TIAM1: variants seen among roughly 807,000 people sequenced by gnomAD.
TIAM1 encodes the protein rho guanine nucleotide exchange factor TIAM1.
A neutral mutation model predicts 163.5 loss-of-function variants in TIAM1; 65 were observed. The observed-to-expected ratio is 0.40, with a 90% CI of 0.33 to 0.49. The LOEUF is 0.49. Among genes scored for constraint, TIAM1 ranks in the 20% least tolerant of loss-of-function variants. The pLI is 0.77. For missense variants in TIAM1, 1,789 were observed against 2,044.7 expected, an observed-to-expected ratio of 0.87 and a Z score of 2.41; for synonymous variants, 833 against 810.1, an observed-to-expected ratio of 1.03 and a Z score of -0.48.
chr21:31,191,776 G>A (rs982633983), intron 13 of TIAM1, among the ~76,000 whole-genome samples: 3 of 152,196 alleles, frequency 2.0e-5, no homozygotes, highest in Non-Finnish European at 4.4e-5. Flanking sequence ...GAGTAATTCA[G>A]TGACTTTAAC....
intron 2 of TIAM1, among the ~76,000 whole-genome samples, chr21:31,417,195 T>C (rs990310427): frequency 6.6e-6 from 1 of 152,110 alleles, no homozygotes; most frequent in African/African-American, 2.4e-5. Flanking sequence ...GCTAATTTTT[T>C]GTATTTAGTA....
chr21:31,528,147 G>A (rs2047848701), intron 1 of TIAM1, among the ~76,000 whole-genome samples: 1 of 152,188 alleles, frequency 6.6e-6, no homozygotes, highest in South Asian at 2.1e-4. Flanking sequence ...GAGGGGGGAT[G>A]CCGATCAATG....
chr21:31,473,841 T>G (rs2045843666), intron 1 of TIAM1, among the ~76,000 whole-genome samples: 1 of 152,168 alleles, frequency 6.6e-6, no homozygotes. Context: ...GGTGCCGCCC[T>G]GCACTGGAGA....
chr21:31,388,358 G>C (rs1219935478), intron 2 of TIAM1, among the ~76,000 whole-genome samples: 1 of 151,916 alleles, frequency 6.6e-6, no homozygotes, highest in African/African-American at 2.4e-5. Flanking sequence ...AGAAAGTGCA[G>C]AGCCGGGCAT....
At chr21:31,353,992 C>T (rs1199049961) in intron 2 of TIAM1, among the ~76,000 whole-genome samples, 2 of 151,688 alleles carry the variant, frequency 1.3e-5, no homozygotes, top group Non-Finnish European at 2.9e-5. Context: ...TGCCCGCCAA[C>T]AAGCCCAGCT....
chr21:31,548,604 C>T lies in TIAM1; in HGVS notation c.-422+10323G>A, dbSNP rs150673179. Among the ~76,000 whole-genome samples the T allele has an allele frequency of 2.3e-4, 35 of 151,974 alleles. 2 individuals are homozygous for T. The highest frequency in any genetic ancestry group is 6.2e-4 in the South Asian group (3 of 4,802). On this transcript the variant is annotated intron_variant, in intron 1 of 28. Transcript: ENST00000286827. Reference sequence around the variant, plus strand: ...CTGGGCTCAAACAATCCTCCTGCCTCAGCCTCCCAAGTAGCTGGGACTACA... The same window carrying T: ...CTGGGCTCAAACAATCCTCCTGCCTTAGCCTCCCAAGTAGCTGGGACTACA...
At chr21:31,394,728 T>TCTCTCTCTCTCTCACA (rs1279053911) in intron 2 of TIAM1, among the ~76,000 whole-genome samples, 2 of 95,704 alleles carry the variant, frequency 2.1e-5, no homozygotes, top group Non-Finnish European at 4.2e-5. Context: ...TCTCTCTCTC[T>TCTCTCTCTCTCTCACA]CACACACACA....
At chr21:31,497,417 A>G (rs2046702758) in intron 1 of TIAM1, among the ~76,000 whole-genome samples, 1 of 152,234 alleles carries the variant, frequency 6.6e-6, no homozygotes, top group Non-Finnish European at 1.5e-5. Context: ...AAAAAATGCA[A>G]AATGAGATGT....
intron 1 of TIAM1, among the ~76,000 whole-genome samples, chr21:31,493,330 GAC>G (rs1386773511): frequency 2.6e-5 from 4 of 152,228 alleles, no homozygotes; most frequent in African/African-American, 4.8e-5. Flanking sequence ...TATAACCTAA[GAC>G]ACACAATCAA....
chr21:31,297,350 G>A (rs1170365798), intron 2 of TIAM1, among the ~76,000 whole-genome samples: 14 of 152,286 alleles, frequency 9.2e-5, no homozygotes, highest in South Asian at 6.2e-4. Flanking sequence ...TCTGCAAGAC[G>A]AAAAGAGTTC....
chr21:31,153,841 G>A (rs936335161), intron 17 of TIAM1, among the ~76,000 whole-genome samples: 4 of 151,842 alleles, frequency 2.6e-5, no homozygotes, highest in East Asian at 1.9e-4. Flanking sequence ...TGGGAGGATC[G>A]CTTGAGCCCA....
At chr21:31,168,077 TC>T (rs1180570743) in intron 15 of TIAM1, among the ~76,000 whole-genome samples, 1 of 150,106 alleles carries the variant, frequency 6.7e-6, no homozygotes, top group African/African-American at 2.5e-5. Flanking sequence ...GCAGGTTTCT[TC>T]CCTGAGATTC....
chr21:31,311,071 T>C (rs1601916852), intron 2 of TIAM1, among the ~76,000 whole-genome samples: 1 of 152,292 alleles, frequency 6.6e-6, no homozygotes, highest in Non-Finnish European at 1.5e-5. Flanking sequence ...ATGTAAATAA[T>C]GAACTGCCAA....
At chr21:31,372,696 T>A (rs1379195395) in intron 2 of TIAM1, among the ~76,000 whole-genome samples, 1 of 152,082 alleles carries the variant, frequency 6.6e-6, no homozygotes, top group East Asian at 1.9e-4. Context: ...ACTGGCTGGG[T>A]AGGTGGCTTA....
At chr21:31,300,788 T>C (rs926020411) in intron 2 of TIAM1, among the ~76,000 whole-genome samples, 1 of 152,264 alleles carries the variant, frequency 6.6e-6, no homozygotes. Context: ...AAACATTATT[T>C]ATTGCTCCAG....
chr21:31,296,765 G>C (rs1172431092), intron 2 of TIAM1, among the ~76,000 whole-genome samples: 2 of 152,124 alleles, frequency 1.3e-5, no homozygotes, highest in Non-Finnish European at 1.5e-5. Flanking sequence ...CTGGGTTCAA[G>C]CAATTCTCCT....
chr21:31,245,512 G>C lies in TIAM1; in HGVS notation c.1560C>G (p.Ser520=). The change falls in exon 6 of 28, where the codon TCC becomes TCG. Residue 520 remains serine (S), a synonymous_variant. Transcript: ENST00000541036. ...CCTGAAAAAGGAAGGCATCACCCAG[G>C]GAATTGCTGAGGCAGAAGACAAAGT... ...KKDFVFCLSN[S]LGDAFLFQTT... is the part of the protein sequence containing the mutation. 3 of 1,531,454 alleles carry C rather than the reference G, an allele frequency of 2.0e-6. No individual in the cohort carries two copies. The highest frequency in any genetic ancestry group is 1.3e-5 in the South Asian group (1 of 78,598). 94.9% of individuals were successfully genotyped at this position (1,531,454 alleles called of 1,614,324 possible).
chr21:31,375,671 C>A (rs1034652806), intron 2 of TIAM1, among the ~76,000 whole-genome samples: 4 of 152,098 alleles, frequency 2.6e-5, no homozygotes, highest in Admixed American at 2.0e-4. Flanking sequence ...ACCAAAAAAA[C>A]CCATAAATTG....
In TIAM1 at chr21:31,469,852, A is replaced by C. The variant is rs901233009; in HGVS notation, c.-421-5817T>G. ...ATCTCAAAAAACAAACAAACAAAAA[A>C]AAAATCAATTTTCTATCTTTGCCCT... On this transcript the variant is annotated intron_variant, in intron 1 of 28. Transcript: ENST00000286827. Among the ~76,000 whole-genome samples the C allele has an allele frequency of 6.7e-4, 102 of 151,998 alleles. 1 individual carries two copies. Among genetic ancestry groups the C allele is most frequent in the African/African-American group, 2.3e-3 (95 of 41,462 alleles).
Sources: allele counts gnomAD v4.1 joint callset (sites outside exome capture counted in the v4.1 genomes callset), GRCh38; gene constraint gnomAD v4.1.1; transcripts MANE v1.5; gene names NCBI Gene and HGNC (gene_info 2026-07-23, HGNC 2026-07-21).